RANBP2: variants seen among roughly 807,000 people sequenced by gnomAD.
The protein encoded by RANBP2 is RAN binding protein 2.
Under a neutral mutation model 303.6 loss-of-function variants are expected in RANBP2, and 57 were observed. The ratio of observed to expected loss-of-function variants is 0.19; its 90% CI spans 0.15 to 0.23. RANBP2 has a LOEUF of 0.23. Ranked by LOEUF, RANBP2 falls within the 10% of genes least tolerant of loss-of-function variation. RANBP2 has a pLI of 1.00. For missense variants in RANBP2, 3,138 were observed against 3,780.8 expected (o/e 0.83, Z 4.46); for synonymous variants, 1,167 against 1,301.5 (o/e 0.90, Z 2.23).
At chr2:108,981,012 ACCCGTTAAACTCAG>A in the RANBP2 span, among the ~76,000 whole-genome samples, 2 of 152,076 alleles carry the variant, frequency 1.3e-5, no homozygotes, top group Non-Finnish European at 2.9e-5. Flanking sequence ...GGTTGAGCTG[ACCCGTTAAACTCAG>A]CCCGTGAGTG....
the RANBP2 span, chr2:108,929,435 G>C: frequency 6.3e-7 from 1 of 1,575,568 alleles, no homozygotes. Context: ...AAACCATACG[G>C]ACTCGGCCCA....
chr2:109,623,628 A>C, the RANBP2 span, among the ~76,000 whole-genome samples: 1 of 152,052 alleles, frequency 6.6e-6, no homozygotes, highest in Non-Finnish European at 1.5e-5. Context: ...AAGCTATCCC[A>C]CTCTGATTAT....
At chr2:109,684,866 AAATT>A in the RANBP2 span, among the ~76,000 whole-genome samples, 10 of 149,664 alleles carry the variant, frequency 6.7e-5, no homozygotes, top group East Asian at 1.2e-3. Context: ...AAATTAAATT[AAATT>A]AATTAATTAA....
At chr2:109,120,690 A>G in the RANBP2 span, among the ~76,000 whole-genome samples, 13 of 126,510 alleles carry the variant, frequency 1.0e-4, no homozygotes. Context: ...AAAAAAAAAA[A>G]GCAGCCTCTA....
the RANBP2 span, among the ~76,000 whole-genome samples, chr2:109,662,444 G>A: frequency 1.3e-5 from 2 of 152,074 alleles, no homozygotes; most frequent in Non-Finnish European, 2.9e-5. Context: ...CCGCCACCAT[G>A]CCTGGCTAAT....
chr2:108,866,828 A>G, the RANBP2 span, among the ~76,000 whole-genome samples: 1 of 151,992 alleles, frequency 6.6e-6, no homozygotes. Context: ...GTTTGCAGTG[A>G]GCCGAGATCA....
chr2:109,171,780 G>A, the RANBP2 span, among the ~76,000 whole-genome samples: 3 of 152,190 alleles, frequency 2.0e-5, no homozygotes, highest in Admixed American at 2.0e-4. Flanking sequence ...CGTGCATCCC[G>A]GCCACGCTCA....
the RANBP2 span, among the ~76,000 whole-genome samples, chr2:109,638,164 G>T: frequency 9.2e-5 from 14 of 152,290 alleles, no homozygotes; most frequent in African/African-American, 3.1e-4. Context: ...GTGGCAAAAG[G>T]TTAACAGTTG....
the RANBP2 span, among the ~76,000 whole-genome samples, chr2:109,359,951 T>A: frequency 6.6e-6 from 1 of 151,934 alleles, no homozygotes; most frequent in Non-Finnish European, 1.5e-5. Context: ...CCATTGTTGA[T>A]GAGGCAGATG....
At chr2:108,818,863 A>C in the RANBP2 span, among the ~76,000 whole-genome samples, 1 of 152,088 alleles carries the variant, frequency 6.6e-6, no homozygotes, top group African/African-American at 2.4e-5. Context: ...AATTTACTTA[A>C]GGATGGATTT....
the RANBP2 span, among the ~76,000 whole-genome samples, chr2:108,852,490 C>T: frequency 1.3e-5 from 2 of 152,054 alleles, no homozygotes; most frequent in Non-Finnish European, 1.5e-5. Flanking sequence ...AGCAAAGTCA[C>T]GGAATCAACC....
chr2:109,573,370 C>T, the RANBP2 span, among the ~76,000 whole-genome samples: 1 of 152,212 alleles, frequency 6.6e-6, no homozygotes, highest in Non-Finnish European at 1.5e-5. Flanking sequence ...ACTGCACACT[C>T]TTGTTTTTAT....
intron 6 of RANBP2, among the ~76,000 whole-genome samples, chr2:108,739,966 C>T (rs935459609): frequency 2.6e-4 from 39 of 150,026 alleles, no homozygotes; most frequent in African/African-American, 5.9e-4. Context: ...CCAGCCCAGG[C>T]GATAGTGAGA....
chr2:109,386,724 G>T, the RANBP2 span, among the ~76,000 whole-genome samples: 1 of 152,144 alleles, frequency 6.6e-6, no homozygotes, highest in Non-Finnish European at 1.5e-5. Flanking sequence ...CTCAGCTGGT[G>T]GCTGTCACCT....
chr2:109,446,165 C>A, the RANBP2 span, among the ~76,000 whole-genome samples: 1 of 152,160 alleles, frequency 6.6e-6, no homozygotes, highest in South Asian at 2.1e-4. Flanking sequence ...TGAGCACACT[C>A]TTCACCAGCC....
the RANBP2 span, among the ~76,000 whole-genome samples, chr2:108,943,822 G>A: frequency 6.6e-6 from 1 of 152,202 alleles, no homozygotes; most frequent in East Asian, 1.9e-4. Context: ...CTGGGGCAGA[G>A]GGCTGGATGC....
At chr2:109,066,211 C>G in the RANBP2 span, among the ~76,000 whole-genome samples, 1 of 152,004 alleles carries the variant, frequency 6.6e-6, no homozygotes, top group Non-Finnish European at 1.5e-5. Context: ...TGGGTTCAAG[C>G]GATTCTCCTG....
chr2:109,021,604 C>G, the RANBP2 span, among the ~76,000 whole-genome samples: 3 of 151,118 alleles, frequency 2.0e-5, no homozygotes, highest in Non-Finnish European at 4.4e-5. Context: ...CTCCTCCAGA[C>G]CTGAGGGGTC....
chr2:109,229,901 T>TG, the RANBP2 span, among the ~76,000 whole-genome samples: 28 of 151,084 alleles, frequency 1.9e-4, no homozygotes, highest in Admixed American at 1.6e-3. Flanking sequence ...CTTGGCTCAC[T>TG]GCAAGCTCTG....
Sources: allele counts gnomAD v4.1 joint callset (sites outside exome capture counted in the v4.1 genomes callset), GRCh38; gene constraint gnomAD v4.1.1; transcripts MANE v1.5; gene names NCBI Gene and HGNC (gene_info 2026-07-23, HGNC 2026-07-21).